The following HECW1 variants were observed in gnomAD, a reference collection of about 807,000 sequenced individuals.
HECW1 encodes the protein E3 ubiquitin-protein ligase HECW1.
Under a neutral mutation model 182.3 loss-of-function variants are expected in HECW1, and 61 were observed. That is an observed-to-expected ratio of 0.33 (90% CI 0.27 to 0.41). HECW1 has a LOEUF of 0.41. HECW1 is among the 10% of genes least tolerant of loss of function. The probability of loss-of-function intolerance (pLI) is 1.00; values close to 1 mark genes in which losing one functional copy is unlikely to be tolerated. For missense variants in HECW1, 1,739 were observed against 2,108.9 expected (o/e 0.82, Z 3.44); for synonymous variants, 859 against 832.6 (o/e 1.03, Z -0.55).
rs2079741172 is a variant in HECW1 at position 43,509,229 on chromosome 7, G to A, written c.4019+108G>A. On this transcript the variant is annotated intron_variant, in intron 24 of 29. Coordinates refer to ENST00000395891, the MANE Select transcript of HECW1 (RefSeq NM_015052.5). The stretch of plus-strand genomic sequence containing the variant: ...ACTGTGTTTAGAGCAGTGGCCAGAT[G>A]TTATGAGGGATGAGAGTGAATGACA... 2.8e-6 allele frequency: 3 copies of A among 1,053,762 alleles called. No individual in the cohort carries two copies. The South Asian group carries it at 4.9e-5, about 17-fold the overall frequency. 65.3% of individuals were successfully genotyped at this position (1,053,762 alleles called of 1,614,324 possible).
At chr7:43,556,371 A>G (rs2082022476) in intron 29 of HECW1, among the ~76,000 whole-genome samples, 1 of 152,196 alleles carries the variant, frequency 6.6e-6, no homozygotes, top group African/African-American at 2.4e-5. Context: ...CAGTTGAGAA[A>G]GAGTTTGGTG....
chr7:43,184,182 T>G (rs900207094), intron 2 of HECW1, among the ~76,000 whole-genome samples: 1 of 152,144 alleles, frequency 6.6e-6, no homozygotes, highest in East Asian at 1.9e-4. Flanking sequence ...CCTGGCTAAT[T>G]TTTTGTATTT....
At chr7:43,520,070 G>A (rs532700569) in intron 24 of HECW1, among the ~76,000 whole-genome samples, 1 of 152,254 alleles carries the variant, frequency 6.6e-6, no homozygotes, top group South Asian at 2.1e-4. Context: ...TGGTAAAAAT[G>A]TCTTAGCTTA....
chr7:43,271,450 T>C (rs1271520149), intron 3 of HECW1, among the ~76,000 whole-genome samples: 1 of 152,154 alleles, frequency 6.6e-6, no homozygotes, highest in African/African-American at 2.4e-5. Context: ...ATTCTGTACT[T>C]AGAAAACCCT....
intron 3 of HECW1, among the ~76,000 whole-genome samples, chr7:43,256,601 C>A (rs1443921701): frequency 9.6e-5 from 13 of 135,698 alleles, no homozygotes; most frequent in Non-Finnish European, 1.6e-4. Context: ...AAGAGGGAAA[C>A]TTCATCTCAA....
chr7:43,292,533 C>A (rs1398023071), intron 3 of HECW1, among the ~76,000 whole-genome samples: 2 of 152,172 alleles, frequency 1.3e-5, no homozygotes, highest in Non-Finnish European at 2.9e-5. Context: ...TTTGCTGTGT[C>A]ACCTGAAATT....
At chr7:43,276,383 A>G (rs942714504) in intron 3 of HECW1, among the ~76,000 whole-genome samples, 1 of 152,206 alleles carries the variant, frequency 6.6e-6, no homozygotes, top group South Asian at 2.1e-4. Flanking sequence ...CCAGTATGGC[A>G]TTGATTTTAA....
At chr7:43,308,183 A>G (rs1184916705) in intron 3 of HECW1, among the ~76,000 whole-genome samples, 1 of 104,740 alleles carries the variant, frequency 9.5e-6, no homozygotes, top group African/African-American at 3.9e-5. Flanking sequence ...ATTTTTATAT[A>G]TTATAATATA....
In HECW1 at chr7:43,444,594, A is replaced by G; in HGVS notation, c.1422A>G (p.Glu474=). The stretch of plus-strand genomic sequence containing the variant: ...AGGAGGCATCAGCACTGCTGCTGGA[A>G]GACGGTGAAGCCCCAGCCAGCACCA... ...LGEEASALLL[E]DGEAPASTKE... Residue 474 remains glutamate, a synonymous_variant, in exon 11 of 30, where the codon GAA becomes GAG. Transcript: ENST00000395891. The surrounding 1 kb of genome is among the most constrained non-coding windows in gnomAD (Gnocchi z 4.3). The G allele has an allele frequency of 6.2e-7, 1 of 1,610,962 alleles. No homozygotes were observed. The highest frequency in any genetic ancestry group is 8.5e-7 in the Non-Finnish European group (1 of 1,178,852).
chr7:43,497,184 G>T lies in HECW1; in HGVS notation c.3438-3515G>T, dbSNP rs974496095. Among the ~76,000 whole-genome samples the T allele has an allele frequency of 9.2e-5, 14 of 152,272 alleles. No homozygotes were observed. The South Asian group carries it at 2.9e-3, about 32-fold the overall frequency. Reference sequence around the variant, plus strand: ...GTGATGCTTAAGCTGAAACCTGAAGGATGAGAAGGCATTGTCCCTTGAGAT... The same window carrying T: ...GTGATGCTTAAGCTGAAACCTGAAGTATGAGAAGGCATTGTCCCTTGAGAT... On this transcript the variant is annotated intron_variant, in intron 19 of 29. Transcript: ENST00000395891.
intron 2 of HECW1, among the ~76,000 whole-genome samples, chr7:43,175,207 T>A (rs1357038716): frequency 6.6e-6 from 1 of 152,144 alleles, no homozygotes; most frequent in Non-Finnish European, 1.5e-5. Flanking sequence ...CACGCAGTGA[T>A]GTGGCTAAAT....
At chr7:43,488,512 G>GA (rs1040956407) in intron 17 of HECW1, among the ~76,000 whole-genome samples, 4 of 151,522 alleles carry the variant, frequency 2.6e-5, no homozygotes, top group African/African-American at 9.7e-5. Flanking sequence ...GAAAAGAAAA[G>GA]AAAGAAAAAG....
chr7:43,247,788 AG>A (rs1799544532), intron 3 of HECW1, among the ~76,000 whole-genome samples: 1 of 125,852 alleles, frequency 7.9e-6, no homozygotes, highest in Non-Finnish European at 1.6e-5. Context: ...AGAGAAAAAA[AG>A]AAAAGAAGGA....
chr7:43,388,911 G>C (rs980809015), intron 6 of HECW1, among the ~76,000 whole-genome samples: 1 of 152,206 alleles, frequency 6.6e-6, no homozygotes, highest in Non-Finnish European at 1.5e-5. Flanking sequence ...GGCCTACAGA[G>C]GGTGGGATGA....
chr7:43,228,022 A>G (rs1438983374), intron 2 of HECW1, among the ~76,000 whole-genome samples: 1 of 152,270 alleles, frequency 6.6e-6, no homozygotes, highest in African/African-American at 2.4e-5. Context: ...GTTTACCTCT[A>G]TCTGGCTGGG....
chr7:43,292,069 C>G (rs1215539436), intron 3 of HECW1, among the ~76,000 whole-genome samples: 1 of 152,174 alleles, frequency 6.6e-6, no homozygotes, highest in Non-Finnish European at 1.5e-5. Flanking sequence ...ATGGAGATTT[C>G]CTTTATAGAT....
intron 6 of HECW1, among the ~76,000 whole-genome samples, chr7:43,373,372 C>G (rs1470666423): frequency 6.6e-6 from 1 of 151,796 alleles, no homozygotes; most frequent in Non-Finnish European, 1.5e-5. Flanking sequence ...TGGCCAGGCT[C>G]GTCTCAAACT....
chr7:43,300,227 A>G (rs1357123452), intron 3 of HECW1, among the ~76,000 whole-genome samples: 1 of 152,142 alleles, frequency 6.6e-6, no homozygotes, highest in South Asian at 2.1e-4. Flanking sequence ...TCCTCTTCCA[A>G]TAGGAATCTC....
intron 6 of HECW1, among the ~76,000 whole-genome samples, chr7:43,385,582 C>T (rs1324037411): frequency 1.3e-5 from 2 of 151,874 alleles, no homozygotes. Flanking sequence ...GGGTAAGGGG[C>T]TGATCTCCAT....
Sources: allele counts gnomAD v4.1 joint callset (sites outside exome capture counted in the v4.1 genomes callset), GRCh38; gene constraint gnomAD v4.1.1; non-coding constraint Gnocchi (gnomAD v3.1); transcripts MANE v1.5; gene names NCBI Gene and HGNC (gene_info 2026-07-23, HGNC 2026-07-21).